The following TRIM5 variants were observed in gnomAD, a reference collection of about 807,000 sequenced individuals.
TRIM5 encodes the protein tripartite motif containing 5, also known as tripartite motif-containing protein 5.
Under a neutral mutation model 35.6 loss-of-function variants are expected in TRIM5, and 31 were observed. The ratio of observed to expected loss-of-function variants is 0.87; its 90% CI spans 0.65 to 1.18. The LOEUF (loss-of-function observed/expected upper bound fraction) is 1.18. Among genes scored for constraint, TRIM5 ranks in the 50% most tolerant of loss-of-function variants. The pLI is 0.00. For synonymous variants in TRIM5, 243 were observed against 215.6 expected, an observed-to-expected ratio of 1.13 and a Z score of -1.11; for missense variants, 609 against 591.6, an observed-to-expected ratio of 1.03 and a Z score of -0.31.
chr11:5,600,949 T>C, the TRIM5 span, among the ~76,000 whole-genome samples: 11 of 152,316 alleles, frequency 7.2e-5, no homozygotes, highest in South Asian at 2.3e-3. Context: ...AAAAATTTTC[T>C]AAAGAGTATT....
chr11:5,603,262 A>C, the TRIM5 span: 1 of 1,613,722 alleles, frequency 6.2e-7, no homozygotes, highest in South Asian at 1.1e-5. Context: ...ACAGGCAGGA[A>C]ACATCTTAGA....
chr11:5,657,583 AT>A, the TRIM5 span, among the ~76,000 whole-genome samples: 2 of 100,944 alleles, frequency 2.0e-5, no homozygotes, highest in Non-Finnish European at 3.6e-5. Context: ...TATATTATAT[AT>A]AATGCATTAT....
chr11:5,637,976 C>G, the TRIM5 span, among the ~76,000 whole-genome samples: 49,389 of 152,058 alleles, frequency 0.32, 8,983 homozygotes, highest in East Asian at 0.62. Flanking sequence ...ATTACTCTTG[C>G]AAGAAAGACT....
chr11:5,668,738 C>T (rs1482618174), intron 4 of TRIM5, among the ~76,000 whole-genome samples: 5 of 152,158 alleles, frequency 3.3e-5, no homozygotes, highest in African/African-American at 9.7e-5. Flanking sequence ...GCATGTGCCA[C>T]GACACCCGGC....
At chr11:5,645,391 T>TC in the TRIM5 span, among the ~76,000 whole-genome samples, 1 of 62,936 alleles carries the variant, frequency 1.6e-5, no homozygotes, top group African/African-American at 5.5e-5. Flanking sequence ...AAACTCTGTC[T>TC]CAAAAAAAAA....
chr11:5,617,855 T>A, the TRIM5 span, among the ~76,000 whole-genome samples: 7 of 151,614 alleles, frequency 4.6e-5, no homozygotes, highest in African/African-American at 1.7e-4. Flanking sequence ...TTAAAAAAAA[T>A]GAGAAAATGG....
chr11:5,657,942 T>C, the TRIM5 span, among the ~76,000 whole-genome samples: 712 of 151,692 alleles, frequency 4.7e-3, 4 homozygotes, highest in Middle Eastern at 0.027. Context: ...AAAAATAAGT[T>C]TATTTTTCCC....
chr11:5,643,041 C>G, the TRIM5 span: 1 of 1,290,210 alleles, frequency 7.8e-7, no homozygotes, highest in Non-Finnish European at 1.0e-6. Flanking sequence ...CGTTCATCAC[C>G]ATGTCACTAG....
chr11:5,665,876 C>G lies in TRIM5; in HGVS notation c.868+105G>C, dbSNP rs568540864. The G allele has an allele frequency of 2.3e-6, 3 of 1,314,668 alleles. No homozygotes were observed. The South Asian group carries it at 4.5e-5, about 20-fold the overall frequency. 81.4% of individuals were successfully genotyped at this position (1,314,668 alleles called of 1,614,324 possible). On this transcript the variant is annotated intron_variant, in intron 6 of 7. Transcript: ENST00000380034. ...ATCAGCAGCAGACAATATCTATCCT[C>G]CCCTATCCCCTCTATCCATATTTGG...
chr11:5,617,140 AAC>A, the TRIM5 span, among the ~76,000 whole-genome samples: 1 of 144,104 alleles, frequency 6.9e-6, no homozygotes, highest in Non-Finnish European at 1.5e-5. Flanking sequence ...CCATCTTGAA[AAC>A]ATACTAGTAT....
At chr11:5,602,585 G>A in the TRIM5 span, among the ~76,000 whole-genome samples, 415 of 151,894 alleles carry the variant, frequency 2.7e-3, 1 homozygote, top group African/African-American at 9.7e-3. Context: ...CATCACGAAC[G>A]ACAAATGCAA....
intron 4 of TRIM5, among the ~76,000 whole-genome samples, chr11:5,672,577 CA>C (rs1247481592): frequency 6.6e-6 from 1 of 151,964 alleles, no homozygotes; most frequent in Non-Finnish European, 1.5e-5. Flanking sequence ...TAATTTCCTC[CA>C]AAGATTTACC....
the TRIM5 span, chr11:5,645,879 A>AT: frequency 0.01 from 1,040 of 101,518 alleles, 7 homozygotes; most frequent in African/African-American, 0.02. Context: ...AAAAAAAAAA[A>AT]AATATATATA....
At chr11:5,646,844 C>T in the TRIM5 span, among the ~76,000 whole-genome samples, 1 of 152,180 alleles carries the variant, frequency 6.6e-6, no homozygotes, top group African/African-American at 2.4e-5. Flanking sequence ...CTTAACCTCT[C>T]AGAAGCACAG....
At chr11:5,639,458 A>G in the TRIM5 span, among the ~76,000 whole-genome samples, 1 of 152,002 alleles carries the variant, frequency 6.6e-6, no homozygotes, top group African/African-American at 2.4e-5. Context: ...AAGAGGGCGG[A>G]TCATGAGGTC....
the TRIM5 span, chr11:5,611,556 C>T: frequency 3.7e-5 from 18 of 485,070 alleles, no homozygotes; most frequent in East Asian, 1.0e-4. Flanking sequence ...TGGGTTCAAG[C>T]GAACCTCCTG....
the TRIM5 span, among the ~76,000 whole-genome samples, chr11:5,609,795 C>T: frequency 3.9e-5 from 6 of 152,056 alleles, no homozygotes; most frequent in Non-Finnish European, 5.9e-5. Context: ...TGGTGGCACG[C>T]GCCTGTAGTC....
At chr11:5,665,741 A>G (rs1458028763) in intron 6 of TRIM5, 59 bp from the exon 7 acceptor site, 4 of 1,470,574 alleles carry the variant, frequency 2.7e-6, no homozygotes, top group Non-Finnish European at 3.6e-6. Flanking sequence ...ACTGAAATTC[A>G]TTTTCTCTCC....
At chr11:5,684,466 G>T (rs1852857362) in intron 1 of TRIM5, among the ~76,000 whole-genome samples, 1 of 152,174 alleles carries the variant, frequency 6.6e-6, no homozygotes, top group South Asian at 2.1e-4. Context: ...GTCACACCAT[G>T]AAGGCTGATG....
Sources: allele counts gnomAD v4.1 joint callset (sites outside exome capture counted in the v4.1 genomes callset), GRCh38; gene constraint gnomAD v4.1.1; transcripts MANE v1.5; gene names NCBI Gene and HGNC (gene_info 2026-07-23, HGNC 2026-07-21).